CPEB4: variants seen among roughly 807,000 people sequenced by gnomAD.
CPEB4 encodes cytoplasmic polyadenylation element-binding protein 4.
CPEB4 carries 12 observed loss-of-function variants against 72.5 expected under a neutral mutation model. The observed-to-expected ratio is 0.17, with a 90% confidence interval of 0.11 to 0.27. The LOEUF is 0.27. CPEB4 is among the 10% of genes least tolerant of loss of function. CPEB4 has a pLI of 1.00. For missense variants in CPEB4, 614 were observed against 908.5 expected (o/e 0.68, Z 4.17); for synonymous variants, 302 against 326.3 (o/e 0.93, Z 0.80).
chr5:173,949,693 C>A, intron 6 of CPEB4, 96 bp downstream of exon 6: 1 of 847,330 alleles, frequency 1.2e-6, no homozygotes, highest in Non-Finnish European at 1.9e-6. Context: ...TAAAATGTTG[C>A]ATTGTTAAAC....
intron 2 of CPEB4, among the ~76,000 whole-genome samples, chr5:173,930,851 T>C (rs1757420627): frequency 6.6e-6 from 1 of 151,864 alleles, no homozygotes; most frequent in African/African-American, 2.4e-5. Context: ...TAGCCAGGCA[T>C]GGTAGCGGGC....
chr5:173,914,503 C>T (rs1457363702), intron 2 of CPEB4, among the ~76,000 whole-genome samples: 1 of 152,062 alleles, frequency 6.6e-6, no homozygotes, highest in African/African-American at 2.4e-5. Context: ...CACCTGTAAC[C>T]CTAGCACTTT....
chr5:173,919,709 T>C (rs1335278414), intron 2 of CPEB4, among the ~76,000 whole-genome samples: 2 of 152,218 alleles, frequency 1.3e-5, no homozygotes, highest in Non-Finnish European at 2.9e-5. Flanking sequence ...AAATGCCACC[T>C]GATTCATAGT....
At chr5:173,929,257 AGAG>A (rs1757354026) in intron 2 of CPEB4, among the ~76,000 whole-genome samples, 1 of 152,228 alleles carries the variant, frequency 6.6e-6, no homozygotes, top group Admixed American at 6.5e-5. Context: ...AATAGAGTTA[AGAG>A]ACCGTTTTGT....
intron 3 of CPEB4, among the ~76,000 whole-genome samples, chr5:173,940,245 C>G (rs1757789385): frequency 6.6e-6 from 1 of 152,180 alleles, no homozygotes; most frequent in Non-Finnish European, 1.5e-5. Context: ...GAAGAGTCTA[C>G]TTTTTGGTAA....
chr5:173,901,121 A>G (rs1413522369), intron 1 of CPEB4, among the ~76,000 whole-genome samples: 1 of 152,248 alleles, frequency 6.6e-6, no homozygotes, highest in Non-Finnish European at 1.5e-5. Context: ...TTTAATACAA[A>G]TAAGTGATGA....
chr5:173,925,642 G>C (rs893127161), intron 2 of CPEB4, among the ~76,000 whole-genome samples: 1 of 152,148 alleles, frequency 6.6e-6, no homozygotes, highest in African/African-American at 2.4e-5. Flanking sequence ...CTTGAGCTTT[G>C]CTGTCCGATG....
chr5:173,899,419 A>G (rs1319527348), intron 1 of CPEB4, among the ~76,000 whole-genome samples: 1 of 152,154 alleles, frequency 6.6e-6, no homozygotes, highest in Non-Finnish European at 1.5e-5. Flanking sequence ...GTAGTGAGAA[A>G]CTGAAGCAAG....
At chr5:173,924,045 G>A (rs1274809114) in intron 2 of CPEB4, among the ~76,000 whole-genome samples, 1 of 152,090 alleles carries the variant, frequency 6.6e-6, no homozygotes, top group African/African-American at 2.4e-5. Flanking sequence ...CTTCGCACCT[G>A]CCCCGAGTTG....
At chr5:173,930,990 CAAA>C (rs11322497) in intron 2 of CPEB4, among the ~76,000 whole-genome samples, 18 of 80,060 alleles carry the variant, frequency 2.2e-4, no homozygotes, top group African/African-American at 2.8e-4. Flanking sequence ...GACTCTGTCT[CAAA>C]AAAAAAAAAA....
At chr5:173,946,568 A>C (rs1338935733) in intron 5 of CPEB4, among the ~76,000 whole-genome samples, 1 of 152,162 alleles carries the variant, frequency 6.6e-6, no homozygotes, top group Non-Finnish European at 1.5e-5. Flanking sequence ...AGACCTTTGA[A>C]CACCTGAGGA....
chr5:173,935,338 C>T (rs1367958159), intron 3 of CPEB4, among the ~76,000 whole-genome samples: 1 of 152,150 alleles, frequency 6.6e-6, no homozygotes, highest in Non-Finnish European at 1.5e-5. Context: ...TGTCTTGTGT[C>T]CATGCAGCCT....
intron 9 of CPEB4, among the ~76,000 whole-genome samples, chr5:173,954,169 GTGT>G (rs535506344): frequency 2.0e-3 from 311 of 152,212 alleles, no homozygotes; most frequent in Non-Finnish European, 3.5e-3. Flanking sequence ...TGATTTTATC[GTGT>G]TGTTCTCAAT....
chr5:173,961,720 T>G lies in CPEB4; in HGVS notation c.*5583T>G, dbSNP rs1758557291. ...AAAGTAAGTACTTTTTCTAGGGATT[T>G]TTTTTTTTTTTTAAGTTTGGGAAAT... is the stretch of plus-strand genomic sequence containing the variant. On this transcript the variant is annotated 3_prime_UTR_variant, in exon 10 of 10. Coordinates refer to ENST00000265085, the MANE Select transcript of CPEB4 (RefSeq NM_030627.4). 2 of 107,010 alleles carry G rather than the reference T, an allele frequency of 1.9e-5. No individual in the cohort carries two copies. The highest frequency in any genetic ancestry group is 8.8e-4 in the South Asian group (2 of 2,264). 6.6% of individuals were successfully genotyped at this position (107,010 alleles called of 1,614,324 possible).
chr5:173,936,011 C>G lies in CPEB4; in HGVS notation c.1258+3511C>G, dbSNP rs1163189601. On this transcript the variant is annotated intron_variant, in intron 3 of 9. Coordinates refer to ENST00000265085, the MANE Select transcript of CPEB4 (RefSeq NM_030627.4). Reference sequence around the variant, plus strand: ...ATTGGTAATTGTGTTAAGAATGTTACAATTCACACTCTAGGGAATTTTTCA... The same window carrying G: ...ATTGGTAATTGTGTTAAGAATGTTAGAATTCACACTCTAGGGAATTTTTCA... Among the ~76,000 whole-genome samples, 3 of 152,268 alleles carry G rather than the reference C, an allele frequency of 2.0e-5. No individual in the cohort carries two copies. In the East Asian group the frequency reaches 5.8e-4, roughly 29 times the overall value.
At chr5:173,930,049 C>T (rs1254594044) in intron 2 of CPEB4, among the ~76,000 whole-genome samples, 1 of 151,664 alleles carries the variant, frequency 6.6e-6, no homozygotes, top group African/African-American at 2.4e-5. Flanking sequence ...CTGTTCCCAC[C>T]TCCCAAGTTT....
intron 2 of CPEB4, among the ~76,000 whole-genome samples, chr5:173,915,047 A>C (rs914717167): frequency 3.9e-5 from 6 of 152,186 alleles, no homozygotes; most frequent in Non-Finnish European, 8.8e-5. Context: ...TTATTAACTT[A>C]AATTTTCAAA....
At chr5:173,947,862 T>A (rs1758081746) in intron 5 of CPEB4, among the ~76,000 whole-genome samples, 1 of 151,798 alleles carries the variant, frequency 6.6e-6, no homozygotes, top group Non-Finnish European at 1.5e-5. Context: ...TGAAAAAAAA[T>A]GACTGATTCT....
intron 3 of CPEB4, among the ~76,000 whole-genome samples, chr5:173,934,532 G>T (rs915465980): frequency 7.2e-5 from 11 of 152,168 alleles, no homozygotes; most frequent in South Asian, 2.1e-4. Context: ...GGAGTGTGGG[G>T]TTTACAGTTG....
Sources: allele counts gnomAD v4.1 joint callset (sites outside exome capture counted in the v4.1 genomes callset), GRCh38; gene constraint gnomAD v4.1.1; transcripts MANE v1.5; gene names NCBI Gene and HGNC (gene_info 2026-07-23, HGNC 2026-07-21).